KIAA1549: variants seen among roughly 807,000 people sequenced by gnomAD.
KIAA1549 encodes UPF0606 protein KIAA1549.
Under a neutral mutation model 156.4 loss-of-function variants are expected in KIAA1549, and 70 were observed. The observed-to-expected ratio is 0.45, with a 90% CI of 0.37 to 0.55. The LOEUF is 0.55. KIAA1549 is among the 20% of genes least tolerant of loss of function. The pLI, the probability that KIAA1549 is intolerant of heterozygous loss-of-function variation, is 0.00. For synonymous variants in KIAA1549, 1,103 were observed against 1,066.4 expected (o/e 1.03, Z -0.67); for missense variants, 2,428 against 2,540.9 (o/e 0.96, Z 0.96).
Position 138,951,058 on chromosome 7 carries a change from T to TTTTTG in KIAA1549, c.187+30020_187+30024dup, listed in dbSNP as rs201826819. Among the ~76,000 whole-genome samples, 966 of 152,130 alleles carry TTTTTG rather than the reference T, an allele frequency of 6.3e-3. 5 individuals carry two copies. The highest frequency in any genetic ancestry group is 0.021 in the African/African-American group (853 of 41,482). ...ATCCTTTGCACCCTCTCTTCTGGTT[T>TTTTTG]TTTTGTTTTGTTTTGTTTTGTTTTG... On this transcript the variant is annotated intron_variant, in intron 1 of 19. Transcript: ENST00000422774.
In KIAA1549 at chr7:138,832,694, T is replaced by C. The variant is rs1809573376; in HGVS notation, c.*5212A>G. The stretch of plus-strand genomic sequence containing the variant: ...GTTTCCAAAGGCATTTAATATTCTT[T>C]TCCTAAATTTCAATGCTGCTGTGTT... On this transcript the variant is annotated 3_prime_UTR_variant, in exon 20 of 20. Transcript: ENST00000422774. The C allele has an allele frequency of 4.6e-6, 1 of 216,992 alleles. No individual in the cohort carries two copies. The highest frequency in any genetic ancestry group is 1.9e-4 in the South Asian group (1 of 5,378). The allele number at this position is 216,992 out of a possible 1,614,324, so 13.4% of individuals were successfully genotyped here.
chr7:138,919,153 T>C lies in KIAA1549; in HGVS notation c.473A>G (p.Asp158Gly). Residue 158 changes from aspartate (D) to glycine (G), a missense_variant, in exon 2 of 20, where the codon GAT becomes GGT. Physicochemically the swap from Asp to Gly is moderately conservative, Grantham distance 94 (BLOSUM62 -1). Around this residue, in one of 5 missense-constraint regions of KIAA1549, gnomAD observed 893 missense variants for 847.9 expected, o/e 1.05. Coordinates refer to ENST00000422774, the MANE Select transcript of KIAA1549 (RefSeq NM_001164665.2). ...KEVAVNDDEM[D>G]NFLPDTHWTT... ...CCAGTGAGTATCTGGCAGAAAGTTA[T>C]CCATCTCATCGTCATTGACGGCCAC... is the stretch of plus-strand genomic sequence containing the variant. 1 of 1,614,050 alleles carries C rather than the reference T, an allele frequency of 6.2e-7. No individual in the cohort carries two copies. Among genetic ancestry groups the C allele is most frequent in the Non-Finnish European group, 8.5e-7 (1 of 1,179,904 alleles).
At chr7:138,871,848 G>A (rs1029247853) in intron 12 of KIAA1549, among the ~76,000 whole-genome samples, 2 of 152,228 alleles carry the variant, frequency 1.3e-5, no homozygotes, top group Non-Finnish European at 1.5e-5. Context: ...AGACCAGTAC[G>A]TGCAGGCAGG....
intron 1 of KIAA1549, among the ~76,000 whole-genome samples, chr7:138,955,459 CAGGGGAT>C (rs570172659): frequency 6.6e-6 from 1 of 151,836 alleles, no homozygotes; most frequent in Non-Finnish European, 1.5e-5. Context: ...GGGTGGATGC[CAGGGGAT>C]AGGGGAGAGG....
At chr7:138,963,867 T>C (rs1446072752) in intron 1 of KIAA1549, among the ~76,000 whole-genome samples, 2 of 151,880 alleles carry the variant, frequency 1.3e-5, no homozygotes, top group African/African-American at 4.8e-5. Context: ...AAAGCAAAAA[T>C]GGTATCAAAA....
intron 18 of KIAA1549, among the ~76,000 whole-genome samples, chr7:138,842,117 G>A (rs190547117): frequency 6.6e-6 from 1 of 152,188 alleles, no homozygotes; most frequent in Admixed American, 6.5e-5. Flanking sequence ...AGAGCAGCGC[G>A]GTGTTCCCTG....
chr7:138,901,325 T>A (rs1811834663), intron 8 of KIAA1549, among the ~76,000 whole-genome samples: 1 of 139,730 alleles, frequency 7.2e-6, no homozygotes, highest in Non-Finnish European at 1.5e-5. Context: ...TCTTGAGTTT[T>A]ATTTTTTTTT....
intron 17 of KIAA1549, among the ~76,000 whole-genome samples, chr7:138,847,891 G>T (rs1350086320): frequency 1.3e-5 from 2 of 151,782 alleles, no homozygotes; most frequent in East Asian, 3.9e-4. Context: ...TCTTTAGAGG[G>T]CTTAAAAGTC....
intron 1 of KIAA1549, among the ~76,000 whole-genome samples, chr7:138,940,478 T>C (rs1161126462): frequency 1.3e-5 from 2 of 150,852 alleles, no homozygotes; most frequent in Non-Finnish European, 3.0e-5. Context: ...TAAACATACG[T>C]GTGCATGTGT....
At chr7:138,933,580 C>T (rs147383206) in intron 1 of KIAA1549, among the ~76,000 whole-genome samples, 113 of 152,328 alleles carry the variant, frequency 7.4e-4, no homozygotes, top group African/African-American at 2.4e-3. Context: ...GGTAACCCCA[C>T]TATGATCATG....
rs903266597 is a variant in KIAA1549 at position 138,906,815 on chromosome 7, A to G, written c.3460+104T>C. On this transcript the variant is annotated intron_variant, in intron 6 of 19. Coordinates refer to ENST00000422774, the MANE Select transcript of KIAA1549 (RefSeq NM_001164665.2). Reference sequence around the variant, plus strand: ...AACGCCTTATGGAAAAATAATTTTTAAAAAATCAAGTCTTTTAAAAAACTA... The same window carrying G: ...AACGCCTTATGGAAAAATAATTTTTGAAAAATCAAGTCTTTTAAAAAACTA... 51 of 875,794 alleles carry G rather than the reference A, an allele frequency of 5.8e-5. No homozygotes were observed. The African/African-American group carries it at 8.1e-4, about 14-fold the overall frequency. The allele number at this position is 875,794 out of a possible 1,614,324, so 54.3% of individuals were successfully genotyped here.
At chr7:138,924,326 T>C in intron 1 of KIAA1549, among the ~76,000 whole-genome samples, 1 of 152,312 alleles carries the variant, frequency 6.6e-6, no homozygotes, top group East Asian at 1.9e-4. Context: ...TAAATCATTT[T>C]ATGTGTCTGT....
intron 1 of KIAA1549, among the ~76,000 whole-genome samples, chr7:138,969,512 T>C (rs2130569808): frequency 6.6e-6 from 1 of 152,378 alleles, no homozygotes; most frequent in East Asian, 1.9e-4. Context: ...CTAGACCACA[T>C]TTGCAAAAAT....
intron 17 of KIAA1549, among the ~76,000 whole-genome samples, chr7:138,846,969 A>T (rs1350811611): frequency 2.0e-5 from 3 of 152,126 alleles, no homozygotes; most frequent in Non-Finnish European, 4.4e-5. Flanking sequence ...TCAGAGAGGG[A>T]TGTGTGACAT....
chr7:138,879,796 C>T (rs890511190), intron 11 of KIAA1549, 143 bp from the exon 12 acceptor site: 27 of 607,600 alleles, frequency 4.4e-5, no homozygotes, highest in Non-Finnish European at 6.4e-5. Flanking sequence ...CATAGCACAG[C>T]GTCTTCAAGG....
At chr7:138,936,727 C>A (rs189246679) in intron 1 of KIAA1549, among the ~76,000 whole-genome samples, 2 of 141,372 alleles carry the variant, frequency 1.4e-5, no homozygotes, top group East Asian at 4.1e-4. Flanking sequence ...GATGTGTGAC[C>A]CCCCCCACCC....
At chr7:138,957,976 T>C (rs1428054439) in intron 1 of KIAA1549, among the ~76,000 whole-genome samples, 1 of 152,262 alleles carries the variant, frequency 6.6e-6, no homozygotes, top group Non-Finnish European at 1.5e-5. Flanking sequence ...CATTTCCTTG[T>C]ATGTGCATCT....
At chr7:138,846,696 G>T (rs1584699249) in intron 17 of KIAA1549, among the ~76,000 whole-genome samples, 2 of 152,036 alleles carry the variant, frequency 1.3e-5, no homozygotes, top group South Asian at 2.1e-4. Flanking sequence ...CCCCAAAAGG[G>T]TCTCAAGCAC....
chr7:138,905,701 TCTA>T (rs1258978807), intron 6 of KIAA1549, among the ~76,000 whole-genome samples: 5 of 152,130 alleles, frequency 3.3e-5, no homozygotes, highest in Non-Finnish European at 7.3e-5. Context: ...AACTCTGGAA[TCTA>T]CTATTTTTTT....
Sources: gnomAD v4.1 joint callset for allele counts (sites outside exome capture counted in the v4.1 genomes callset) on GRCh38, gnomAD v4.1.1 for gene constraint, gnomAD v4.1.1 regional missense constraint, MANE v1.5 for transcripts, NCBI Gene and HGNC (gene_info 2026-07-23, HGNC 2026-07-21) for gene names.